The following XRCC5 variants were observed in gnomAD, a reference collection of about 807,000 sequenced individuals.
The protein encoded by XRCC5 is DNA repair protein Ku80.
In XRCC5, 12 loss-of-function variants were observed where a neutral mutation model predicts 95.7. The observed-to-expected ratio is 0.13, with a 90% CI of 0.08 to 0.20. XRCC5 has a LOEUF of 0.20. XRCC5 is among the 10% of genes least tolerant of loss of function. XRCC5 has a pLI of 1.00. For synonymous variants in XRCC5, 281 were observed against 290.3 expected, an observed-to-expected ratio of 0.97 and a Z score of 0.33; for missense variants, 595 against 873.9, an observed-to-expected ratio of 0.68 and a Z score of 4.02.
At chr2:216,205,057 C>T (rs908291871) in intron 20 of XRCC5, 131 bp from the exon 21 acceptor site, 72 of 1,022,732 alleles carry the variant, frequency 7.0e-5, no homozygotes, top group East Asian at 1.2e-4. Context: ...AAATAATGAG[C>T]GGTGAATAAA....
chr2:216,117,463 T>C lies in XRCC5; in HGVS notation c.320-283T>C, dbSNP rs571165531. 20 of 429,044 alleles carry C rather than the reference T, an allele frequency of 4.7e-5. No individual in the cohort carries two copies. The East Asian group carries it at 7.0e-4, about 15-fold the overall frequency. 26.6% of individuals were successfully genotyped at this position (429,044 alleles called of 1,614,324 possible). A position where few individuals can be genotyped will look rare whatever the true frequency, so the allele number is the denominator to read the frequency against. On this transcript the variant is annotated intron_variant, in intron 3 of 20. Transcript: ENST00000392132. ...TGGACTGTGGCCACCAAGAATGGGTTCTAGATACTATTAAATGACATAATT... is the reference window on the plus strand; with the variant it reads ...TGGACTGTGGCCACCAAGAATGGGTCCTAGATACTATTAAATGACATAATT...
chr2:216,185,592 G>A (rs1689479669), intron 16 of XRCC5, among the ~76,000 whole-genome samples: 2 of 151,804 alleles, frequency 1.3e-5, no homozygotes, highest in African/African-American at 4.8e-5. Flanking sequence ...TTTGATTTAA[G>A]TGCTTGATTT....
intron 16 of XRCC5, among the ~76,000 whole-genome samples, chr2:216,167,552 T>C (rs956571717): frequency 3.4e-5 from 5 of 148,740 alleles, no homozygotes; most frequent in African/African-American, 1.2e-4. Flanking sequence ...GAAATCTCTC[T>C]CGTGTGTGTG....
intron 19 of XRCC5, among the ~76,000 whole-genome samples, chr2:216,200,097 G>A (rs765936385): frequency 2.6e-5 from 4 of 152,056 alleles, no homozygotes; most frequent in Non-Finnish European, 4.4e-5. Context: ...GCAAGCTAGT[G>A]GCCAGCAGAA....
chr2:216,160,499 C>T (rs1264641210), intron 15 of XRCC5, among the ~76,000 whole-genome samples: 1 of 151,982 alleles, frequency 6.6e-6, no homozygotes, highest in Non-Finnish European at 1.5e-5. Context: ...GTGATACGAG[C>T]CTTAATCTTC....
At chr2:216,159,308 T>G (rs1688904044) in intron 14 of XRCC5, among the ~76,000 whole-genome samples, 1 of 152,202 alleles carries the variant, frequency 6.6e-6, no homozygotes, top group Non-Finnish European at 1.5e-5. Context: ...TGGATTTGAT[T>G]TTCTTCTCTT....
chr2:216,175,411 C>G, intron 16 of XRCC5: 1 of 518,066 alleles, frequency 1.9e-6, no homozygotes, highest in Admixed American at 2.0e-5. Flanking sequence ...CTCTGTGATC[C>G]TGCAGACTGC....
chr2:216,192,652 A>G lies in XRCC5; in HGVS notation c.1958A>G (p.Gln653Arg), dbSNP rs745684160. The G allele has an allele frequency of 6.3e-6, 10 of 1,590,820 alleles. No individual in the cohort carries two copies. The highest frequency in any genetic ancestry group is 7.7e-6 in the Non-Finnish European group (9 of 1,168,888). Residue 653 changes from glutamine to arginine, a missense_variant, in exon 18 of 21, where the codon CAG becomes CGG. Transcript: ENST00000392132. ...TTGCTACCACAGTTTTCAGAAGAGC[A>G]GCGCTTTAACAACTTCCTGAAAGCC... ...REEAIKFSEEQRFNNFLKALQ... is the reference protein window; with the variant it reads ...REEAIKFSEERRFNNFLKALQ...
At chr2:216,148,721 T>C (rs1688685255) in intron 14 of XRCC5, among the ~76,000 whole-genome samples, 1 of 152,212 alleles carries the variant, frequency 6.6e-6, no homozygotes, top group South Asian at 2.1e-4. Context: ...AGTGAAAAAC[T>C]ATCAATTCTT....
intron 16 of XRCC5, among the ~76,000 whole-genome samples, chr2:216,165,906 C>T (rs941884905): frequency 7.9e-5 from 12 of 152,152 alleles, no homozygotes; most frequent in Admixed American, 3.3e-4. Context: ...CATCAGCAGT[C>T]TATATATAGT....
chr2:216,197,313 C>G (rs992852023), intron 19 of XRCC5, among the ~76,000 whole-genome samples: 3 of 151,958 alleles, frequency 2.0e-5, no homozygotes, highest in African/African-American at 7.3e-5. Flanking sequence ...GATATCAGAA[C>G]TGATGTTAGT....
intron 19 of XRCC5, 193 bp from the exon 20 acceptor site, chr2:216,204,128 AC>A (rs1689896599): frequency 3.3e-6 from 2 of 600,144 alleles, no homozygotes. Context: ...GACTACTTGA[AC>A]CTCAAAACTG....
intron 14 of XRCC5, among the ~76,000 whole-genome samples, chr2:216,152,463 T>G (rs1444730071): frequency 6.6e-6 from 1 of 151,796 alleles, no homozygotes; most frequent in Non-Finnish European, 1.5e-5. Context: ...GAAAAAAATT[T>G]GGGTGGGAAC....
At chr2:216,139,819 T>A (rs1382097276) in intron 12 of XRCC5, among the ~76,000 whole-genome samples, 2 of 152,230 alleles carry the variant, frequency 1.3e-5, no homozygotes, top group African/African-American at 2.4e-5. Context: ...AGAATATTTT[T>A]AAAAACCCAG....
intron 16 of XRCC5, among the ~76,000 whole-genome samples, chr2:216,165,912 A>G (rs1371413483): frequency 6.6e-6 from 1 of 152,090 alleles, no homozygotes; most frequent in Non-Finnish European, 1.5e-5. Context: ...CAGTCTATAT[A>G]TAGTAGGCAG....
chr2:216,119,202 A>G (rs62181331), intron 5 of XRCC5, 37 bp downstream of exon 5: 178 of 1,611,226 alleles, frequency 1.1e-4, no homozygotes, highest in African/African-American at 1.0e-3. Flanking sequence ...GACAAATCCT[A>G]TGATTTCCTA....
intron 13 of XRCC5, among the ~76,000 whole-genome samples, chr2:216,141,793 C>G (rs926665832): frequency 5.3e-5 from 8 of 152,050 alleles, no homozygotes; most frequent in Non-Finnish European, 8.8e-5. Context: ...TGGTTCATGC[C>G]TGTAATCCCA....
chr2:216,176,415 G>T (rs1689278421), intron 16 of XRCC5, among the ~76,000 whole-genome samples: 1 of 151,980 alleles, frequency 6.6e-6, no homozygotes, highest in Non-Finnish European at 1.5e-5. Flanking sequence ...CACTGCACCG[G>T]GCCCAATTTT....
intron 10 of XRCC5, 30 bp from the exon 11 acceptor site, chr2:216,137,058 A>T (rs753762687): frequency 1.6e-5 from 26 of 1,599,008 alleles, no homozygotes; most frequent in Non-Finnish European, 2.2e-5. Flanking sequence ...CATGTTGAAT[A>T]TGTGTTAATA....
Sources: allele counts gnomAD v4.1 joint callset (sites outside exome capture counted in the v4.1 genomes callset), GRCh38; gene constraint gnomAD v4.1.1; transcripts MANE v1.5; gene names NCBI Gene and HGNC (gene_info 2026-07-23, HGNC 2026-07-21).